Variants in NCOA2 observed in about 807,000 individuals in gnomAD.
The protein encoded by NCOA2 is nuclear receptor coactivator 2.
NCOA2 carries 21 observed loss-of-function variants against 145.1 expected under a neutral mutation model. The ratio of observed to expected loss-of-function variants is 0.14; its 90% CI spans 0.10 to 0.21. The LOEUF (loss-of-function observed/expected upper bound fraction) is 0.21, where lower values mean the gene tolerates loss of function less well. Ranked by LOEUF, NCOA2 falls within the 10% of genes least tolerant of loss-of-function variation. The pLI is 1.00. For synonymous variants in NCOA2, 619 were observed against 637.5 expected, an observed-to-expected ratio of 0.97 and a Z score of 0.44; for missense variants, 1,472 against 1,837.6, an observed-to-expected ratio of 0.80 and a Z score of 3.64.
At chr8:70,243,637 T>C (rs951236206) in intron 2 of NCOA2, among the ~76,000 whole-genome samples, 1 of 151,910 alleles carries the variant, frequency 6.6e-6, no homozygotes, top group African/African-American at 2.4e-5. Flanking sequence ...TAATACAACT[T>C]TGAAACTTTT....
At chr8:70,363,919 G>C (rs1810437912) in intron 1 of NCOA2, among the ~76,000 whole-genome samples, 1 of 151,846 alleles carries the variant, frequency 6.6e-6, no homozygotes. Flanking sequence ...ATCCTCAGGA[G>C]TGTATGGGAA....
chr8:70,212,081 ATATATATATAT>A (rs1819099412), intron 4 of NCOA2, among the ~76,000 whole-genome samples: 1 of 146,680 alleles, frequency 6.8e-6, no homozygotes, highest in Non-Finnish European at 1.5e-5. Context: ...ATATATATAT[ATATATATATAT>A]ATATATATTT....
At chr8:70,251,812 A>G (rs909001192) in intron 2 of NCOA2, among the ~76,000 whole-genome samples, 1 of 152,230 alleles carries the variant, frequency 6.6e-6, no homozygotes. Context: ...AGAGCCATCT[A>G]GGCCTGGGAA....
chr8:70,383,502 T>TC (rs1287608268), intron 1 of NCOA2, among the ~76,000 whole-genome samples: 2 of 152,046 alleles, frequency 1.3e-5, no homozygotes, highest in African/African-American at 4.8e-5. Flanking sequence ...TAGTTTTTTT[T>TC]GTTTTTGTTT....
chr8:70,142,560 A>T (rs1170882049), intron 13 of NCOA2, among the ~76,000 whole-genome samples: 1 of 152,092 alleles, frequency 6.6e-6, no homozygotes, highest in East Asian at 1.9e-4. Flanking sequence ...TTAGCCGGGC[A>T]TGGTGGCAGA....
At chr8:70,436,419 G>A in the NCOA2 span, among the ~76,000 whole-genome samples, 1 of 152,196 alleles carries the variant, frequency 6.6e-6, no homozygotes, top group East Asian at 1.9e-4. Context: ...GCATTCCTAG[G>A]AACTTTCACA....
At chr8:70,115,314 A>C (rs933870600) in intron 22 of NCOA2, among the ~76,000 whole-genome samples, 4 of 152,188 alleles carry the variant, frequency 2.6e-5, no homozygotes, top group Admixed American at 2.0e-4. Context: ...TGAGGCTTAG[A>C]AACTTTGTAA....
At chr8:70,325,581 T>C (rs993820641) in intron 1 of NCOA2, among the ~76,000 whole-genome samples, 4 of 152,090 alleles carry the variant, frequency 2.6e-5, no homozygotes, top group African/African-American at 9.7e-5. Context: ...TCAGCTAATT[T>C]TTGTAAAGAT....
the NCOA2 span, among the ~76,000 whole-genome samples, chr8:70,415,400 G>A: frequency 1.3e-5 from 2 of 152,144 alleles, no homozygotes; most frequent in Non-Finnish European, 2.9e-5. Flanking sequence ...ATTTACAGCA[G>A]ATGCGGCCCA....
chr8:70,254,773 T>C (rs1410515605), intron 2 of NCOA2, among the ~76,000 whole-genome samples: 1 of 152,092 alleles, frequency 6.6e-6, no homozygotes, highest in Non-Finnish European at 1.5e-5. Flanking sequence ...ATGAAAAAAT[T>C]GTGAAGATGG....
the NCOA2 span, among the ~76,000 whole-genome samples, chr8:70,411,817 C>G: frequency 6.6e-6 from 1 of 152,160 alleles, no homozygotes; most frequent in East Asian, 1.9e-4. Flanking sequence ...TAGTTGTTAC[C>G]TTTTGCCAGG....
intron 15 of NCOA2, among the ~76,000 whole-genome samples, chr8:70,135,231 G>T (rs1008921749): frequency 2.0e-5 from 3 of 152,068 alleles, no homozygotes; most frequent in African/African-American, 7.2e-5. Flanking sequence ...TTTCCATTGG[G>T]GTGCCACCCA....
intron 1 of NCOA2, among the ~76,000 whole-genome samples, chr8:70,334,148 A>G (rs899848409): frequency 6.6e-6 from 1 of 152,184 alleles, no homozygotes; most frequent in Non-Finnish European, 1.5e-5. Flanking sequence ...CCCTATGCCT[A>G]ACTTTTAAGG....
chr8:70,167,601 A>G (rs1237302459), intron 6 of NCOA2, among the ~76,000 whole-genome samples: 1 of 152,232 alleles, frequency 6.6e-6, no homozygotes, highest in African/African-American at 2.4e-5. Flanking sequence ...GTTCAGTGGT[A>G]GTCTTTTTAA....
intron 1 of NCOA2, among the ~76,000 whole-genome samples, chr8:70,401,486 G>A (rs890778439): frequency 1.3e-5 from 2 of 151,676 alleles, no homozygotes; most frequent in African/African-American, 4.8e-5. Flanking sequence ...AATCAGTGAT[G>A]CTTTAGTTCC....
intron 1 of NCOA2, among the ~76,000 whole-genome samples, chr8:70,332,342 G>A (rs928634892): frequency 2.0e-5 from 3 of 152,132 alleles, no homozygotes; most frequent in African/African-American, 7.2e-5. Context: ...TTAAAACTAT[G>A]CTTAATAATT....
Position 70,216,714 on chromosome 8 carries a change from G to A in NCOA2, c.32C>T (p.Pro11Leu). The change falls in exon 3 of 23, where the codon CCC becomes CTC. Residue 11 changes from proline (P) to leucine (L), a missense_variant. Coordinates refer to ENST00000452400, the MANE Select transcript of NCOA2 (RefSeq NM_006540.4). MSGMGENTSD[P>L]SRAETRKRKE... ...GCGCTTTCTTGTCTCTGCCCTGGAGGGGTCAGAGGTATTTTCTCCCATCCC... is the reference window on the plus strand; with the variant it reads ...GCGCTTTCTTGTCTCTGCCCTGGAGAGGTCAGAGGTATTTTCTCCCATCCC... The A allele has an allele frequency of 1.9e-6, 3 of 1,613,648 alleles. No homozygotes were observed. The highest frequency in any genetic ancestry group is 2.5e-6 in the Non-Finnish European group (3 of 1,179,596).
At chr8:70,131,783 AC>A in intron 16 of NCOA2, 53 bp downstream of exon 16, 1 of 1,514,610 alleles carries the variant, frequency 6.6e-7, no homozygotes, top group East Asian at 2.5e-5. Flanking sequence ...GAAAATGGAC[AC>A]CTCTGCGCCC....
chr8:70,385,609 G>A (rs1812589806), intron 1 of NCOA2, among the ~76,000 whole-genome samples: 2 of 152,054 alleles, frequency 1.3e-5, no homozygotes, highest in South Asian at 4.1e-4. Context: ...TTAATTTCTT[G>A]TAGAAATGGG....
Sources: gnomAD v4.1 joint callset for allele counts (sites outside exome capture counted in the v4.1 genomes callset) on GRCh38, gnomAD v4.1.1 for gene constraint, MANE v1.5 for transcripts, NCBI Gene and HGNC (gene_info 2026-07-23, HGNC 2026-07-21) for gene names.